The following REEP1 variants were observed in gnomAD, a reference collection of about 807,000 sequenced individuals.
REEP1 encodes receptor expression-enhancing protein 1.
A neutral mutation model predicts 40.3 loss-of-function variants in REEP1; 22 were observed. The ratio of observed to expected loss-of-function variants is 0.55; its 90% CI spans 0.39 to 0.78. The LOEUF is 0.78. Among genes scored for constraint, REEP1 ranks in the 30% least tolerant of loss-of-function variants. The pLI, the probability that REEP1 is intolerant of heterozygous loss-of-function variation, is 0.00. For missense variants in REEP1, 280 were observed against 361.1 expected (o/e 0.78, Z 1.82); for synonymous variants, 116 against 139.2 (o/e 0.83, Z 1.17).
chr2:86,307,181 G>C (rs964153732), intron 1 of REEP1, among the ~76,000 whole-genome samples: 1 of 149,738 alleles, frequency 6.7e-6, no homozygotes, highest in Non-Finnish European at 1.5e-5. Flanking sequence ...TCCAGCCTGG[G>C]CAACACAGCA....
At chr2:86,301,693 G>T (rs575697082) in intron 1 of REEP1, among the ~76,000 whole-genome samples, 1 of 152,254 alleles carries the variant, frequency 6.6e-6, no homozygotes, top group African/African-American at 2.4e-5. Flanking sequence ...TGATCAGTTG[G>T]AAAATAACAA....
chr2:86,297,797 T>G, intron 1 of REEP1: 7 of 881,842 alleles, frequency 7.9e-6, no homozygotes, highest in Non-Finnish European at 9.5e-6. Context: ...CAGAAGACTC[T>G]GGGGGATCTC....
chr2:86,220,126 A>C lies in REEP1; in HGVS notation c.632-5T>G. The stretch of plus-strand genomic sequence containing the variant: ...CATTCACATCTCCCTCAACCACTTA[A>C]TGTCCATTTACAATCTACACAGATG... On this transcript the variant is annotated splice_region_variant and splice_polypyrimidine_tract_variant and intron_variant, in intron 7 of 8. Coordinates refer to ENST00000538924, the MANE Select transcript of REEP1 (RefSeq NM_001371279.1). 2 of 1,230,280 alleles carry C rather than the reference A, an allele frequency of 1.6e-6. No individual in the cohort carries two copies. The highest frequency in any genetic ancestry group is 2.0e-6 in the Non-Finnish European group (2 of 987,138). The allele number at this position is 1,230,280 out of a possible 1,614,324, so 76.2% of individuals were successfully genotyped here. A position where few individuals can be genotyped will look rare whatever the true frequency, so the allele number is the denominator to read the frequency against.
chr2:86,244,145 C>T (rs986466965), intron 5 of REEP1, among the ~76,000 whole-genome samples: 1 of 152,168 alleles, frequency 6.6e-6, no homozygotes, highest in African/African-American at 2.4e-5. Context: ...GGCAAGGCAA[C>T]TGACTCCAGT....
At chr2:86,335,211 T>G (rs1680954656) in intron 1 of REEP1, among the ~76,000 whole-genome samples, 1 of 152,214 alleles carries the variant, frequency 6.6e-6, no homozygotes, top group Non-Finnish European at 1.5e-5. Context: ...TGATTTTCAG[T>G]TTATCTTTTC....
intron 1 of REEP1, among the ~76,000 whole-genome samples, chr2:86,330,003 G>C (rs146034755): frequency 2.5e-4 from 38 of 152,304 alleles, no homozygotes; most frequent in African/African-American, 7.9e-4. Context: ...GGAGAGTGTA[G>C]TGAAAGCCAG....
chr2:86,333,441 C>A (rs1680865732), intron 1 of REEP1, among the ~76,000 whole-genome samples: 1 of 152,046 alleles, frequency 6.6e-6, no homozygotes, highest in African/African-American at 2.4e-5. Context: ...TTAAAATGTG[C>A]AATGTGGAAA....
chr2:86,253,298 A>G (rs1473304769), intron 4 of REEP1, among the ~76,000 whole-genome samples: 2 of 150,374 alleles, frequency 1.3e-5, no homozygotes, highest in Non-Finnish European at 3.0e-5. Flanking sequence ...CCCCAAAAAA[A>G]GGCTGTTTTT....
rs113374017 is a variant in REEP1 at position 86,241,352 on chromosome 2, G to A, written c.418-8550C>T. On this transcript the variant is annotated intron_variant, in intron 5 of 8. Transcript: ENST00000538924. ...TGCAAACATGCCCACGCTATCGCAC[G>A]TGATCGAGCTTTACAGAAACTGTGA... Among the ~76,000 whole-genome samples, 252 of 152,336 alleles carry A rather than the reference G, an allele frequency of 1.7e-3. 2 individuals carry two copies. The highest frequency in any genetic ancestry group is 2.8e-3 in the Non-Finnish European group (189 of 68,026).
chr2:86,241,100 G>C (rs1675643213), intron 5 of REEP1, among the ~76,000 whole-genome samples: 1 of 152,236 alleles, frequency 6.6e-6, no homozygotes, highest in Non-Finnish European at 1.5e-5. Flanking sequence ...CGGTGATGGG[G>C]AGTCAGGGCC....
At chr2:86,255,066 C>T (rs1160806216) in intron 3 of REEP1, 13 of 432,384 alleles carry the variant, frequency 3.0e-5, no homozygotes, top group Non-Finnish European at 5.5e-5. Flanking sequence ...AACACAGGTT[C>T]TCTCCAGCAA....
chr2:86,315,244 C>G (rs1317267671), intron 1 of REEP1, among the ~76,000 whole-genome samples: 1 of 152,190 alleles, frequency 6.6e-6, no homozygotes, highest in Non-Finnish European at 1.5e-5. Flanking sequence ...AGTCCCGTAG[C>G]CAAGGTCACT....
chr2:86,291,003 A>G (rs1440239471), intron 1 of REEP1, among the ~76,000 whole-genome samples: 1 of 152,166 alleles, frequency 6.6e-6, no homozygotes, highest in Non-Finnish European at 1.5e-5. Context: ...TTTATTTTTG[A>G]GTGCTCACTT....
intron 1 of REEP1, among the ~76,000 whole-genome samples, chr2:86,307,003 G>A (rs529937041): frequency 1.1e-3 from 172 of 151,918 alleles, no homozygotes; most frequent in Non-Finnish European, 2.1e-3. Context: ...TCAGGAGTTC[G>A]AGACCAGCCT....
chr2:86,337,498 T>C lies in REEP1; in HGVS notation c.13A>G (p.Ile5Val). The C allele has an allele frequency of 7.7e-7, 1 of 1,298,640 alleles. No individual in the cohort carries two copies. The allele number at this position is 1,298,640 out of a possible 1,614,324, so 80.4% of individuals were successfully genotyped here. The change falls in exon 1 of 9, where the codon ATC becomes GTC. Residue 5 changes from isoleucine (I) to valine (V), a missense_variant. This residue lies in a region of REEP1 where 68 missense variants were observed against 83.7 expected (regional missense o/e 0.81). Transcript: ENST00000538924. The surrounding 1 kb of genome is among the most constrained non-coding windows in gnomAD (Gnocchi z 5.8). MVSW[I>V]ISRLVVLIFG... ...ACTTACACCACCAGCCTGGAGATGA[T>C]CCATGACACCATGGCGGGCAGGCGG...
At chr2:86,217,251 C>G (rs1674163241) in intron 8 of REEP1, 141 bp from the exon 9 acceptor site, 1 of 731,600 alleles carries the variant, frequency 1.4e-6, no homozygotes, top group Non-Finnish European at 2.5e-6. Context: ...CTCCCTGAAT[C>G]TCCGCAACAG....
chr2:86,217,684 T>TTGTTTTTTTTC (rs1553456158), intron 8 of REEP1, among the ~76,000 whole-genome samples: 10 of 127,788 alleles, frequency 7.8e-5, no homozygotes, highest in Non-Finnish European at 1.7e-4. Flanking sequence ...TTTTTTTTTT[T>TTGTTTTTTTTC]CAGATTTTGG....
At position 86,313,236 on chromosome 2, in the gene REEP1, A is replaced by C. The variant is rs535751956; in HGVS notation, c.32+24243T>G. ...GTGATCCTCCCGCCTCAGGCTCCCT[A>C]CACCCTGAGTAGCTGGGACTACAGG... On this transcript the variant is annotated intron_variant, in intron 1 of 8. Transcript: ENST00000538924. Among the ~76,000 whole-genome samples, 104 of 150,980 alleles carry C rather than the reference A, an allele frequency of 6.9e-4. 1 individual carries two copies. Among genetic ancestry groups the C allele is most frequent in the African/African-American group, 2.4e-3 (99 of 41,050 alleles).
intron 1 of REEP1, among the ~76,000 whole-genome samples, chr2:86,305,676 TACC>T (rs376813640): frequency 3.3e-5 from 5 of 152,314 alleles, no homozygotes; most frequent in African/African-American, 9.6e-5. Flanking sequence ...CTGCCCTCTG[TACC>T]ACCATCTGCC....
Sources: allele counts gnomAD v4.1 joint callset (sites outside exome capture counted in the v4.1 genomes callset), GRCh38; gene constraint gnomAD v4.1.1; regional missense constraint gnomAD v4.1.1; non-coding constraint Gnocchi (gnomAD v3.1); transcripts MANE v1.5; gene names NCBI Gene and HGNC (gene_info 2026-07-23, HGNC 2026-07-21).